The following PDZD2 variants were observed in gnomAD, a reference collection of about 807,000 sequenced individuals.
The protein encoded by PDZD2 is PDZ domain containing 2, also known as PDZ domain-containing protein 2.
PDZD2 carries 90 observed loss-of-function variants against 220.7 expected under a neutral mutation model. The observed-to-expected ratio is 0.41, with a 90% confidence interval of 0.34 to 0.49. The LOEUF is 0.49. Among genes scored for constraint, PDZD2 ranks in the 20% least tolerant of loss-of-function variants. The pLI, the probability that PDZD2 is intolerant of heterozygous loss-of-function variation, is 0.28. For synonymous variants in PDZD2, 1,375 were observed against 1,450.5 expected (o/e 0.95, Z 1.18); for missense variants, 3,174 against 3,608.5 (o/e 0.88, Z 3.08).
chr5:31,742,539 C>CT (rs1750331885), intron 1 of PDZD2, among the ~76,000 whole-genome samples: 2 of 149,046 alleles, frequency 1.3e-5, no homozygotes, highest in Admixed American at 6.7e-5. Flanking sequence ...CAACTCCCCC[C>CT]CTCCCCACCC....
chr5:31,991,099 G>C (rs1470059327), intron 3 of PDZD2, among the ~76,000 whole-genome samples: 1 of 152,224 alleles, frequency 6.6e-6, no homozygotes, highest in Non-Finnish European at 1.5e-5. Flanking sequence ...GGCAGGGCTG[G>C]TTACAGAGGT....
intron 2 of PDZD2, among the ~76,000 whole-genome samples, chr5:31,901,404 C>T (rs1009367218): frequency 9.8e-5 from 13 of 133,028 alleles, no homozygotes; most frequent in African/African-American, 2.9e-4. Context: ...GGTGACAGAG[C>T]GAGACTGTCT....
At chr5:31,908,969 C>G in intron 2 of PDZD2, 1 of 322,388 alleles carries the variant, frequency 3.1e-6, no homozygotes, top group Non-Finnish European at 5.9e-6. Context: ...ATTGCTGAAC[C>G]CGGGAGGCGG....
rs1219346667 is a variant in PDZD2 at position 31,979,005 on chromosome 5, C to G, written c.477-4150C>G. On this transcript the variant is annotated intron_variant, in intron 2 of 24. Transcript: ENST00000438447. ...CCCTGCAGAAGAAGTAAAATACTGT[C>G]TCAGTCACAGGCACCTTCCAAGTTT... is the stretch of plus-strand genomic sequence containing the variant. Among the ~76,000 whole-genome samples the G allele has an allele frequency of 2.0e-5, 3 of 152,100 alleles. No individual in the cohort carries two copies. The East Asian group carries it at 5.8e-4, about 29-fold the overall frequency.
chr5:32,030,090 T>C (rs557625221), intron 6 of PDZD2, among the ~76,000 whole-genome samples: 1 of 152,332 alleles, frequency 6.6e-6, no homozygotes, highest in Non-Finnish European at 1.5e-5. Flanking sequence ...AGTAAAGGGC[T>C]TCATGGCGTG....
intron 2 of PDZD2, among the ~76,000 whole-genome samples, chr5:31,865,925 C>T (rs1317097724): frequency 6.6e-6 from 1 of 150,456 alleles, no homozygotes; most frequent in Non-Finnish European, 1.5e-5. Context: ...GCCACCGCAC[C>T]TGCCCTTTTT....
intron 14 of PDZD2, among the ~76,000 whole-genome samples, chr5:32,066,268 C>T (rs1740205669): frequency 6.6e-6 from 1 of 152,066 alleles, no homozygotes; most frequent in African/African-American, 2.4e-5. Flanking sequence ...TTGCTTGAAC[C>T]TGGGAGGTAG....
chr5:32,019,174 C>G (rs894443639), intron 6 of PDZD2, among the ~76,000 whole-genome samples: 1 of 133,708 alleles, frequency 7.5e-6, no homozygotes, highest in African/African-American at 2.7e-5. Context: ...CAGGGTCTCA[C>G]TCTGTTGCCC....
chr5:31,870,028 C>T (rs1162073914), intron 2 of PDZD2, among the ~76,000 whole-genome samples: 1 of 152,100 alleles, frequency 6.6e-6, no homozygotes, highest in Non-Finnish European at 1.5e-5. Flanking sequence ...GACAGAAAGC[C>T]ACTGACCCTG....
chr5:32,090,057 A>C lies in PDZD2; in HGVS notation c.6609A>C (p.Pro2203=), dbSNP rs1742944808. The part of the protein sequence containing the change: ...DSRGVPRNSI[P]GGPSGEDHLY... Reference sequence around the variant, plus strand: ...GAGGGGTGCCCAGAAACAGCATTCCAGGGGGCCCCTCGGGGGAGGACCATC... The same window carrying C: ...GAGGGGTGCCCAGAAACAGCATTCCCGGGGGCCCCTCGGGGGAGGACCATC... Residue 2203 remains proline, a synonymous_variant, in exon 20 of 25, where the codon CCA becomes CCC. Coordinates refer to ENST00000438447, the MANE Select transcript of PDZD2 (RefSeq NM_178140.4). The surrounding 1 kb of genome is among the most constrained non-coding windows in gnomAD (Gnocchi z 4.3). The C allele has an allele frequency of 5.0e-6, 8 of 1,613,234 alleles. No individual in the cohort carries two copies. The South Asian group carries it at 7.7e-5, about 16-fold the overall frequency.
At chr5:32,100,137 G>GA (rs1463880604) in intron 23 of PDZD2, 1 of 152,394 alleles carries the variant, frequency 6.6e-6, no homozygotes, top group East Asian at 1.9e-4. Context: ...TTTTCCTGTT[G>GA]AAAAATCATG....
intron 2 of PDZD2, among the ~76,000 whole-genome samples, chr5:31,900,177 T>C (rs1208677293): frequency 6.6e-6 from 1 of 152,186 alleles, no homozygotes; most frequent in Non-Finnish European, 1.5e-5. Context: ...TATCCTCACA[T>C]GTATCCCCTC....
At chr5:31,932,378 G>A (rs1468635004) in intron 2 of PDZD2, among the ~76,000 whole-genome samples, 3 of 152,006 alleles carry the variant, frequency 2.0e-5, no homozygotes, top group Non-Finnish European at 4.4e-5. Flanking sequence ...GTGAAACTCC[G>A]TCTCTACTAA....
At chr5:31,718,297 T>C (rs1038936104) in intron 1 of PDZD2, among the ~76,000 whole-genome samples, 3 of 152,140 alleles carry the variant, frequency 2.0e-5, no homozygotes, top group African/African-American at 7.2e-5. Flanking sequence ...GAGAATAAAC[T>C]GAGGCAAGAG....
At chr5:32,059,027 G>A (rs999260036) in intron 12 of PDZD2, among the ~76,000 whole-genome samples, 11 of 152,316 alleles carry the variant, frequency 7.2e-5, no homozygotes, top group African/African-American at 2.4e-4. Context: ...AATTCAGTCC[G>A]TAACTAGCTC....
chr5:31,725,305 T>A (rs1248639080), intron 1 of PDZD2, among the ~76,000 whole-genome samples: 1 of 126,334 alleles, frequency 7.9e-6, no homozygotes, highest in Non-Finnish European at 1.6e-5. Context: ...GCCATTGCAC[T>A]CCAGCCTGGG....
chr5:31,818,077 C>T (rs1349794233), intron 2 of PDZD2, among the ~76,000 whole-genome samples: 1 of 150,266 alleles, frequency 6.7e-6, no homozygotes, highest in Non-Finnish European at 1.5e-5. Flanking sequence ...TCAGGTGATC[C>T]TCCCACCTCA....
At chr5:31,936,426 A>G (rs767959882) in intron 2 of PDZD2, 2 of 763,048 alleles carry the variant, frequency 2.6e-6, no homozygotes, top group Non-Finnish European at 3.2e-6. Context: ...AGGGTTTATT[A>G]TTTTTTAATT....
intron 2 of PDZD2, among the ~76,000 whole-genome samples, chr5:31,888,056 AT>A (rs1740678354): frequency 6.6e-6 from 1 of 152,120 alleles, no homozygotes; most frequent in African/African-American, 2.4e-5. Flanking sequence ...GTTTTGGGCC[AT>A]TTACAGCAGT....
Sources: gnomAD v4.1 joint callset for allele counts (sites outside exome capture counted in the v4.1 genomes callset) on GRCh38, gnomAD v4.1.1 for gene constraint, Gnocchi (gnomAD v3.1) non-coding constraint, MANE v1.5 for transcripts, NCBI Gene and HGNC (gene_info 2026-07-23, HGNC 2026-07-21) for gene names.